The following ARHGEF10 variants were observed in gnomAD, a reference collection of about 807,000 sequenced individuals.
ARHGEF10 encodes the protein Rho guanine nucleotide exchange factor (GEF) 10.
Under a neutral mutation model 147.4 loss-of-function variants are expected in ARHGEF10, and 140 were observed. The observed-to-expected ratio is 0.95, with a 90% CI of 0.83 to 1.09. ARHGEF10 has a LOEUF of 1.09. Among genes scored for constraint, ARHGEF10 ranks in the 50% least tolerant of loss-of-function variants. The probability of loss-of-function intolerance (pLI) is 0.00; values close to 1 mark genes in which losing one functional copy is unlikely to be tolerated. For synonymous variants in ARHGEF10, 902 were observed against 695.8 expected, an observed-to-expected ratio of 1.30 and a Z score of -4.67; for missense variants, 2,222 against 1,752.7, an observed-to-expected ratio of 1.27 and a Z score of -4.78.
intron 2 of ARHGEF10, among the ~76,000 whole-genome samples, chr8:1,844,916 A>G (rs1342067059): frequency 2.0e-5 from 3 of 152,138 alleles, no homozygotes; most frequent in African/African-American, 7.2e-5. Context: ...AAAGAATAAT[A>G]ATGTAATAAT....
intron 17 of ARHGEF10, among the ~76,000 whole-genome samples, chr8:1,908,227 ATTTT>A (rs11288174): frequency 1.5e-4 from 16 of 110,076 alleles, no homozygotes; most frequent in African/African-American, 4.5e-4. Context: ...CCACACTTTG[ATTTT>A]TTTTTTTTTT....
chr8:1,896,309 T>C, intron 13 of ARHGEF10, 24 bp from the exon 14 acceptor site: 1 of 1,531,888 alleles, frequency 6.5e-7, no homozygotes, highest in Non-Finnish European at 9.0e-7. Flanking sequence ...GTGATTTCTC[T>C]CTGAATTTCC....
At chr8:1,925,690 T>C (rs1301063210) in intron 22 of ARHGEF10, among the ~76,000 whole-genome samples, 2 of 152,240 alleles carry the variant, frequency 1.3e-5, no homozygotes, top group Non-Finnish European at 2.9e-5. Context: ...AGGGGACACG[T>C]GTTTCACATT....
intron 10 of ARHGEF10, 59 bp from the exon 11 acceptor site, chr8:1,885,542 T>A: frequency 8.4e-7 from 1 of 1,187,064 alleles, no homozygotes; most frequent in Non-Finnish European, 1.3e-6. Flanking sequence ...TACTGTACTG[T>A]AGTGTTGTGA....
chr8:1,922,564 G>C (rs573805849), intron 18 of ARHGEF10, among the ~76,000 whole-genome samples: 1 of 152,278 alleles, frequency 6.6e-6, no homozygotes, highest in Non-Finnish European at 1.5e-5. Flanking sequence ...ACCGAACGCA[G>C]TGCGAGTCCC....
intron 18 of ARHGEF10, 144 bp downstream of exon 18, chr8:1,909,614 A>C (rs1404579024): frequency 6.8e-6 from 8 of 1,172,604 alleles, no homozygotes; most frequent in Non-Finnish European, 9.8e-6. Flanking sequence ...CAGTCTCTAG[A>C]ATCTGTATGC....
intron 15 of ARHGEF10, 75 bp from the exon 16 acceptor site, chr8:1,903,206 T>G: frequency 6.4e-7 from 1 of 1,560,702 alleles, no homozygotes; most frequent in Non-Finnish European, 8.8e-7. Flanking sequence ...CATTGTCAGC[T>G]GGCGGGTGAC....
chr8:1,914,317 G>A (rs1039518630), intron 18 of ARHGEF10, among the ~76,000 whole-genome samples: 1 of 152,224 alleles, frequency 6.6e-6, no homozygotes, highest in Non-Finnish European at 1.5e-5. Context: ...GTGGAGGCAC[G>A]GAGGGGTCTG....
At chr8:1,857,626 G>A (rs761168852) in intron 2 of ARHGEF10, among the ~76,000 whole-genome samples, 11 of 151,770 alleles carry the variant, frequency 7.2e-5, no homozygotes, top group Non-Finnish European at 1.0e-4. Context: ...CACCATGTTG[G>A]CCAGGCTGGT....
At chr8:1,882,595 C>T in intron 9 of ARHGEF10, 40 bp from the exon 10 acceptor site, 6 of 1,513,992 alleles carry the variant, frequency 4.0e-6, no homozygotes, top group Non-Finnish European at 4.5e-6. Context: ...CAGGTGGGTT[C>T]TGCCGCCGTC....
At chr8:1,945,741 G>A (rs547322531) in intron 27 of ARHGEF10, 86 bp downstream of exon 27, 12 of 1,547,320 alleles carry the variant, frequency 7.8e-6, no homozygotes, top group Admixed American at 6.7e-5. Context: ...CCACCTTAGC[G>A]CTTCCCAGTG....
rs774596559 is a variant in ARHGEF10 at position 1,857,958 on chromosome 8, A to C, written c.38-2A>C. On this transcript the variant is annotated splice_acceptor_variant, in intron 2 of 28. Transcript: ENST00000349830. LOFTEE classifies it high-confidence loss of function. ...TGATGTGGTTTTGGTTTTTCTTTTT[A>C]GAAAATGAAATGAAATATGATACCA... is the stretch of plus-strand genomic sequence containing the variant. 1.9e-6 allele frequency: 3 copies of C among 1,613,284 alleles called. No homozygotes were observed. Among genetic ancestry groups the C allele is most frequent in the Non-Finnish European group, 2.5e-6 (3 of 1,179,446 alleles).
chr8:1,923,803 T>C lies in ARHGEF10; in HGVS notation c.2417T>C (p.Val806Ala), dbSNP rs781283690. ...KSGRPTFFTA[V>A]FNTFTPAIKE... The stretch of plus-strand genomic sequence containing the variant: ...GGGCGACCGACGTTCTTTACAGCTG[T>C]GTTCAATACGTTCACCCCTGCCATC... The change falls in exon 21 of 29, where the codon GTG (valine) becomes GCG (alanine). Residue 806 changes from valine (V) to alanine (A), a missense_variant. Val to Ala is a moderately conservative substitution (Grantham distance 64, BLOSUM62 0). Transcript: ENST00000349830. 1 of 1,614,058 alleles carries C rather than the reference T, an allele frequency of 6.2e-7. No individual in the cohort carries two copies. Among genetic ancestry groups the C allele is most frequent in the Non-Finnish European group, 8.5e-7 (1 of 1,180,038 alleles).
At chr8:1,846,612 C>G (rs926324721) in intron 2 of ARHGEF10, among the ~76,000 whole-genome samples, 5 of 152,022 alleles carry the variant, frequency 3.3e-5, no homozygotes, top group Non-Finnish European at 5.9e-5. Flanking sequence ...GAGTCTCGCT[C>G]TCTCACCCAG....
rs1563299079 is a variant in ARHGEF10 at position 1,928,606 on chromosome 8, A to G, written c.2877A>G (p.Arg959=). Residue 959 remains arginine, a synonymous_variant, in exon 24 of 29, where the codon AGA becomes AGG. Coordinates refer to ENST00000349830, the MANE Select transcript of ARHGEF10 (RefSeq NM_014629.4). ...APPDPETPAV[R]ASDVPTICVG... ...CGGACCCCGAGACCCCGGCCGTGAG[A>G]GCTTCTGATGTCCCCACGATCTGTG... 2 of 1,614,030 alleles carry G rather than the reference A, an allele frequency of 1.2e-6. No individual in the cohort carries two copies. The highest frequency in any genetic ancestry group is 1.7e-6 in the Non-Finnish European group (2 of 1,179,998).
At chr8:1,884,398 GAA>G (rs71528660) in intron 10 of ARHGEF10, among the ~76,000 whole-genome samples, 5,997 of 137,776 alleles carry the variant, frequency 0.044, 157 homozygotes, top group East Asian at 0.078. Flanking sequence ...TCCATCTCAA[GAA>G]AAAAAAAAAA....
chr8:1,892,551 C>T (rs971602699), intron 11 of ARHGEF10, among the ~76,000 whole-genome samples: 2 of 151,886 alleles, frequency 1.3e-5, no homozygotes, highest in Non-Finnish European at 2.9e-5. Flanking sequence ...ATGCTCTTTG[C>T]CCGCTAGGTG....
rs1278417968 is a variant in ARHGEF10, at chr8:1,928,485, C to T, written c.2756C>T (p.Thr919Ile). 6.2e-7 allele frequency: 1 copy of T among 1,613,822 alleles called. No individual in the cohort carries two copies. The highest frequency in any genetic ancestry group is 1.3e-5 in the African/African-American group (1 of 74,882). ...QIAIVSFQNS[T>I]PKVIECFNVE... ...GCCATCGTCTCGTTTCAAAATTCCA[C>T]TCCCAAAGTCATTGAGTGCTTCAAC... Residue 919 changes from threonine (T) to isoleucine (I), a missense_variant, in exon 24 of 29, where the codon ACT becomes ATT. Thr to Ile is a moderately conservative substitution (Grantham distance 89, BLOSUM62 -1). Transcript: ENST00000349830.
chr8:1,866,434 C>G, intron 5 of ARHGEF10, 92 bp from the exon 6 acceptor site: 1 of 973,546 alleles, frequency 1.0e-6, no homozygotes, highest in Non-Finnish European at 1.7e-6. Flanking sequence ...CACACACACA[C>G]ACACACACAC....
Sources: allele counts gnomAD v4.1 joint callset (sites outside exome capture counted in the v4.1 genomes callset), GRCh38; gene constraint gnomAD v4.1.1; transcripts MANE v1.5; gene names NCBI Gene and HGNC (gene_info 2026-07-23, HGNC 2026-07-21).